Variants in FMNL1 observed in about 807,000 individuals in gnomAD.
FMNL1 encodes formin-like protein 1.
Under a neutral mutation model 121.3 loss-of-function variants are expected in FMNL1, and 43 were observed. The ratio of observed to expected loss-of-function variants is 0.35; its 90% CI spans 0.28 to 0.46. The LOEUF (loss-of-function observed/expected upper bound fraction) is 0.46, where lower values mean the gene tolerates loss of function less well. Among genes scored for constraint, FMNL1 ranks in the 20% least tolerant of loss-of-function variants. The pLI, the probability that FMNL1 is intolerant of heterozygous loss-of-function variation, is 1.00. For synonymous variants in FMNL1, 613 were observed against 613.5 expected (o/e 1.00, Z 0.01); for missense variants, 1,191 against 1,482.4 (o/e 0.80, Z 3.23).
chr17:45,241,657 CG>C lies in FMNL1; in HGVS notation c.1585+27del. Reference sequence around the variant, plus strand: ...CAGGTGCGCAGGAGCTTCAGGCTGGCGGGGATGCGGGGCAGGGTCTGGAGGG... The same window carrying C: ...CAGGTGCGCAGGAGCTTCAGGCTGGCGGGATGCGGGGCAGGGTCTGGAGGG... On this transcript the variant is annotated intron_variant, in intron 14 of 26. Coordinates refer to ENST00000331495, the MANE Select transcript of FMNL1 (RefSeq NM_005892.4). The surrounding 1 kb of genome is among the most constrained non-coding windows in gnomAD (Gnocchi z 7.0). 6.8e-7 allele frequency: 1 copy of C among 1,474,000 alleles called. No homozygotes were observed. The highest frequency in any genetic ancestry group is 9.0e-7 in the Non-Finnish European group (1 of 1,115,338). The allele number at this position is 1,474,000 out of a possible 1,614,324, so 91.3% of individuals were successfully genotyped here. A position where few individuals can be genotyped will look rare whatever the true frequency, so the allele number is the denominator to read the frequency against.
At position 45,245,384 on chromosome 17, in the gene FMNL1, G is replaced by T. The variant is rs1446065231; in HGVS notation, c.2860G>T (p.Asp954Tyr). The change falls in exon 22 of 27, where the codon GAC becomes TAC. Residue 954 changes from aspartate (D) to tyrosine (Y), a missense_variant. Around this residue, in one of 4 missense-constraint regions of FMNL1, gnomAD observed 367 missense variants for 528.6 expected, o/e 0.69. Transcript: ENST00000331495. ...CCTGAGGGCCAACTCGCCCACCATG[G>T]ACAAGCTGCTGGCAGACAGCAAGAC... is the stretch of plus-strand genomic sequence containing the variant. ...EFLRANSPTM[D>Y]KLLADSKTAQ... 6.2e-7 allele frequency: 1 copy of T among 1,614,204 alleles called. No homozygotes were observed. The highest frequency in any genetic ancestry group is 8.5e-7 in the Non-Finnish European group (1 of 1,180,028).
rs775514459 is a variant in FMNL1, at chr17:45,241,097, G to C, written c.1231-32G>C. 1 of 1,612,458 alleles carries C rather than the reference G, an allele frequency of 6.2e-7. No homozygotes were observed. Among genetic ancestry groups the C allele is most frequent in the Non-Finnish European group, 8.5e-7 (1 of 1,179,414 alleles). On this transcript the variant is annotated intron_variant, in intron 12 of 26. Transcript: ENST00000331495. This position sits in a 1 kb window ranked among gnomAD's most constrained non-coding sequence, Gnocchi z 7.0. ...ACCGGCGGTGCCAGTGCCGGGCTGC[G>C]GGTCGGGGCTCACCATGTGCTGGTG... is the stretch of plus-strand genomic sequence containing the variant.
intron 2 of FMNL1, 75 bp downstream of exon 2, chr17:45,230,762 G>T: frequency 6.7e-7 from 1 of 1,490,686 alleles, no homozygotes; most frequent in Non-Finnish European, 9.2e-7. Context: ...TGGGGCTATG[G>T]GGAGAGGGGC....
intron 17 of FMNL1, 27 bp downstream of exon 17, chr17:45,243,347 G>C: frequency 6.2e-7 from 1 of 1,610,704 alleles, no homozygotes; most frequent in Non-Finnish European, 8.5e-7. Context: ...TGGGTTTGTG[G>C]GCAGTCCGGC....
rs2043711806 is a variant in FMNL1, at chr17:45,242,016, G to GCCCCCA, written c.1761_1766dup (p.Pro594_Pro595dup). ...CGCCGCCGCTGCCCGGAGACCTGCC[G>GCCCCCA]CCCCCACCCCCGCCACCGCCACCAC... On this transcript the variant is annotated inframe_insertion, in exon 15 of 27. Coordinates refer to ENST00000331495, the MANE Select transcript of FMNL1 (RefSeq NM_005892.4). 7.8e-7 allele frequency: 1 copy of GCCCCCA among 1,285,644 alleles called. No individual in the cohort carries two copies. Among genetic ancestry groups the GCCCCCA allele is most frequent in the African/African-American group, 1.7e-5 (1 of 59,834 alleles). 79.6% of individuals were successfully genotyped at this position (1,285,644 alleles called of 1,614,324 possible). A position where few individuals can be genotyped will look rare whatever the true frequency, so the allele number is the denominator to read the frequency against.
rs200065605 is a variant in FMNL1 at position 45,243,102 on chromosome 17, C to A, written c.2011-16C>A. On this transcript the variant is annotated splice_polypyrimidine_tract_variant and intron_variant, in intron 16 of 26. Transcript: ENST00000331495. Reference sequence around the variant, plus strand: ...CCAGCCCCACCCAGCTCCGCCTCCTCACCCTGTACCTTCAGGAGCTAGACA... The same window carrying A: ...CCAGCCCCACCCAGCTCCGCCTCCTAACCCTGTACCTTCAGGAGCTAGACA... 1.9e-6 allele frequency: 3 copies of A among 1,613,900 alleles called. No homozygotes were observed. The East Asian group carries it at 6.7e-5, about 36-fold the overall frequency.
At position 45,234,148 on chromosome 17, in the gene FMNL1, C is replaced by T; in HGVS notation, c.562C>T (p.Leu188Phe). The change falls in exon 6 of 27, where the codon CTC becomes TTC. Residue 188 changes from leucine to phenylalanine, a missense_variant. Transcript: ENST00000331495. ...GCCCCTGGAGCAGTCTGTGGAAGAC[C>T]TCAGCAAGGGTCCACCCTCCTCCGT... ...NKPLEQSVED[L>F]SKGPPSSVPK... is the part of the protein sequence containing the mutation. 1 of 1,614,130 alleles carries T rather than the reference C, an allele frequency of 6.2e-7. No individual in the cohort carries two copies. The highest frequency in any genetic ancestry group is 8.5e-7 in the Non-Finnish European group (1 of 1,180,028).
intron 16 of FMNL1, 55 bp downstream of exon 16, chr17:45,242,520 C>T: frequency 1.3e-6 from 2 of 1,581,652 alleles, no homozygotes; most frequent in Non-Finnish European, 1.7e-6. Flanking sequence ...GGGGAGTTGC[C>T]TGGATCAGGC....
chr17:45,225,815 C>A (rs952721824), intron 1 of FMNL1, among the ~76,000 whole-genome samples: 3 of 152,124 alleles, frequency 2.0e-5, no homozygotes, highest in Non-Finnish European at 4.4e-5. Flanking sequence ...AGTTACTTAA[C>A]TTCTCTGAGC....
At chr17:45,235,043 G>A (rs1399905673) in intron 6 of FMNL1, among the ~76,000 whole-genome samples, 1 of 152,216 alleles carries the variant, frequency 6.6e-6, no homozygotes, top group Non-Finnish European at 1.5e-5. Flanking sequence ...TGAATCCCTA[G>A]CTTCCTGCTT....
Position 45,245,709 on chromosome 17 carries a change from T to A in FMNL1, c.2970T>A (p.Phe990Leu), listed in dbSNP as rs1329066576. ...CCCCAGGCCTGTTCTTCTCCCTCTT[T>A]AGCCGCTTCATTAAGGCCTACAAGG... ...TTSPGLFFSL[F>L]SRFIKAYKKA... Residue 990 changes from phenylalanine (F) to leucine (L), a missense_variant, in exon 23 of 27, where the codon TTT (phenylalanine) becomes TTA (leucine). Around this residue, in one of 4 missense-constraint regions of FMNL1, gnomAD observed 367 missense variants for 528.6 expected, o/e 0.69. Coordinates refer to ENST00000331495, the MANE Select transcript of FMNL1 (RefSeq NM_005892.4). 6.2e-7 allele frequency: 1 copy of A among 1,614,074 alleles called. No individual in the cohort carries two copies. The highest frequency in any genetic ancestry group is 8.5e-7 in the Non-Finnish European group (1 of 1,179,992).
intron 1 of FMNL1, among the ~76,000 whole-genome samples, chr17:45,225,261 G>A (rs1305401710): frequency 6.6e-6 from 1 of 152,224 alleles, no homozygotes; most frequent in Non-Finnish European, 1.5e-5. Flanking sequence ...TGTTGGGTGT[G>A]GGCCTGGAGT....
rs762365224 is a variant in FMNL1, at chr17:45,245,774, T to C, written c.2994+41T>C. 3 of 1,608,104 alleles carry C rather than the reference T, an allele frequency of 1.9e-6. No homozygotes were observed. In the African/African-American group the frequency reaches 4.1e-5, roughly 22 times the overall value. On this transcript the variant is annotated intron_variant, in intron 23 of 26. Transcript: ENST00000331495. ...GCAGGCTGGGAGCCCTGTAGGGCAC[T>C]GAAGCCTTTCTACTGGGCAGCGGAG...
intron 1 of FMNL1, among the ~76,000 whole-genome samples, chr17:45,225,766 TGA>T (rs2043317896): frequency 6.6e-6 from 1 of 152,130 alleles, no homozygotes; most frequent in Non-Finnish European, 1.5e-5. Flanking sequence ...GTTTGGGGGT[TGA>T]GATTCATTTT....
intron 19 of FMNL1, among the ~76,000 whole-genome samples, chr17:45,244,494 C>G (rs1234330752): frequency 6.6e-6 from 1 of 152,206 alleles, no homozygotes; most frequent in East Asian, 1.9e-4. Context: ...CTCACCTGCT[C>G]AGTGGAGGGC....
chr17:45,226,923 G>A (rs915155166), intron 1 of FMNL1, among the ~76,000 whole-genome samples: 29 of 152,186 alleles, frequency 1.9e-4, no homozygotes, highest in African/African-American at 6.8e-4. Flanking sequence ...TCTCCTGTAA[G>A]CCTGGAATTG....
rs1406676506 is a variant in FMNL1, at chr17:45,241,438, G to A, written c.1389G>A (p.Glu463=). 1.3e-6 allele frequency: 2 copies of A among 1,563,886 alleles called. No homozygotes were observed. The highest frequency in any genetic ancestry group is 1.7e-6 in the Non-Finnish European group (2 of 1,154,790). The change falls in exon 14 of 27, where the codon GAG becomes GAA. Residue 463 remains glutamate, a synonymous_variant. Coordinates refer to ENST00000331495, the MANE Select transcript of FMNL1 (RefSeq NM_005892.4). This position sits in a 1 kb window ranked among gnomAD's most constrained non-coding sequence, Gnocchi z 7.0. ...CCTCCAGGCGTCCCCCAGAGCCTGA[G>A]AAAGCGCCTCCCGCTGCCCCGACGC... ...MGPSRRPPEP[E]KAPPAAPTRP... is the part of the protein sequence containing the mutation.
At chr17:45,222,439 C>A (rs886213360) in intron 1 of FMNL1, among the ~76,000 whole-genome samples, 186 bp downstream of exon 1, 2 of 152,120 alleles carry the variant, frequency 1.3e-5, no homozygotes, top group Non-Finnish European at 2.9e-5. Context: ...CACTCTCCCC[C>A]CAAAACTTTC....
At chr17:45,222,465 G>C in intron 1 of FMNL1, among the ~76,000 whole-genome samples, 1 of 152,122 alleles carries the variant, frequency 6.6e-6, no homozygotes, top group East Asian at 1.9e-4. Context: ...TTATCGCCCG[G>C]TCTCCCTCCC....
Sources: gnomAD v4.1 joint callset for allele counts (sites outside exome capture counted in the v4.1 genomes callset) on GRCh38, gnomAD v4.1.1 for gene constraint, gnomAD v4.1.1 regional missense constraint, Gnocchi (gnomAD v3.1) non-coding constraint, MANE v1.5 for transcripts, NCBI Gene and HGNC (gene_info 2026-07-23, HGNC 2026-07-21) for gene names.